SDC3: variants seen among roughly 807,000 people sequenced by gnomAD.
SDC3 encodes syndecan-3.
In SDC3, 13 loss-of-function variants were observed where a neutral mutation model predicts 24.4. That is an observed-to-expected ratio of 0.53 (90% CI 0.35 to 0.85). SDC3 has a LOEUF of 0.85. SDC3 is among the 40% of genes least tolerant of loss of function. The pLI is 0.01. For synonymous variants in SDC3, 295 were observed against 260.9 expected, an observed-to-expected ratio of 1.13 and a Z score of -1.26; for missense variants, 571 against 584.5, an observed-to-expected ratio of 0.98 and a Z score of 0.24.
intron 1 of SDC3, among the ~76,000 whole-genome samples, chr1:30,895,018 T>C (rs1192280868): frequency 2.0e-5 from 3 of 152,072 alleles, no homozygotes; most frequent in African/African-American, 4.8e-5. Flanking sequence ...CCTCCATTTG[T>C]AAGCATGCAT....
chr1:30,879,074 G>A (rs913629448), intron 1 of SDC3: 69 of 228,226 alleles, frequency 3.0e-4, no homozygotes, highest in African/African-American at 1.0e-3. Flanking sequence ...CTGAGCAGCC[G>A]CAATGTTGGG....
intron 1 of SDC3, among the ~76,000 whole-genome samples, chr1:30,894,683 AGT>A (rs10578427): frequency 4.5e-4 from 15 of 33,194 alleles, no homozygotes; most frequent in Admixed American, 2.0e-3. Flanking sequence ...GATGACTGTG[AGT>A]GTGTGGGTGA....
At position 30,881,950 on chromosome 1, in the gene SDC3, C is replaced by T. The variant is rs191361232; in HGVS notation, c.139-3210G>A. On this transcript the variant is annotated intron_variant, in intron 1 of 4. Coordinates refer to ENST00000339394, the MANE Select transcript of SDC3 (RefSeq NM_014654.4). ...CCTCACCCCCTGCATGACATCAACT[C>T]GGCAATGCCCACAGCTGTCCATGCC... 6.3e-3 allele frequency among the ~76,000 whole-genome samples: 962 copies of T among 152,290 alleles called. 9 individuals carry two copies. The highest frequency in any genetic ancestry group is 0.021 in the African/African-American group (889 of 41,542).
chr1:30,898,788 C>T (rs1570026264), intron 1 of SDC3, among the ~76,000 whole-genome samples: 1 of 152,180 alleles, frequency 6.6e-6, no homozygotes, highest in African/African-American at 2.4e-5. Context: ...ACTACAAGGG[C>T]CCCTGGGTCA....
At chr1:30,904,539 C>G (rs1228267826) in intron 1 of SDC3, among the ~76,000 whole-genome samples, 2 of 152,024 alleles carry the variant, frequency 1.3e-5, no homozygotes, top group African/African-American at 2.4e-5. Context: ...CACCTCGCAC[C>G]AACCCCCAAC....
At chr1:30,895,510 C>T (rs984439711) in intron 1 of SDC3, among the ~76,000 whole-genome samples, 25 of 152,288 alleles carry the variant, frequency 1.6e-4, no homozygotes, top group African/African-American at 5.1e-4. Flanking sequence ...GCTGAGTGAC[C>T]CTCAACAGCC....
chr1:30,882,564 C>A (rs908126959), intron 1 of SDC3, among the ~76,000 whole-genome samples: 7 of 152,218 alleles, frequency 4.6e-5, no homozygotes, highest in Admixed American at 1.3e-4. Context: ...CTCCCAGGAG[C>A]ACCCCATCAG....
At position 30,873,449 on chromosome 1, in the gene SDC3, G is replaced by T. The variant is rs529295596; in HGVS notation, c.1163-72C>A. On this transcript the variant is annotated intron_variant, in intron 4 of 4. Coordinates refer to ENST00000339394, the MANE Select transcript of SDC3 (RefSeq NM_014654.4). Reference sequence around the variant, plus strand: ...CCAGGGCAAAGGGTCCTCAGGGGTGGGGGCCAGGGTGAGGAGAGGGCTGGG... The same window carrying T: ...CCAGGGCAAAGGGTCCTCAGGGGTGTGGGCCAGGGTGAGGAGAGGGCTGGG... The T allele has an allele frequency of 9.5e-6, 11 of 1,163,802 alleles. No individual in the cohort carries two copies. The South Asian group carries it at 1.5e-4, about 16-fold the overall frequency. The allele number at this position is 1,163,802 out of a possible 1,614,324, so 72.1% of individuals were successfully genotyped here.
At position 30,869,652 on chromosome 1, in the gene SDC3, T is replaced by C; in HGVS notation, c.*3559A>G. The C allele has an allele frequency of 2.5e-6, 1 of 398,502 alleles. No individual in the cohort carries two copies. Among genetic ancestry groups the C allele is most frequent in the Non-Finnish European group, 4.4e-6 (1 of 226,042 alleles). 24.7% of individuals were successfully genotyped at this position (398,502 alleles called of 1,614,324 possible). ...TGGTCTCTTTTTTCCACTGTCTTTT[T>C]CTTTTGTTTTTCTTATTTAAGGTTT... is the stretch of plus-strand genomic sequence containing the variant. On this transcript the variant is annotated 3_prime_UTR_variant, in exon 5 of 5. Transcript: ENST00000339394.
Position 30,870,233 on chromosome 1 carries a change from C to T in SDC3, c.*2978G>A, listed in dbSNP as rs1639509897. Reference sequence around the variant, plus strand: ...CCTGCCCAGCCCTGGTTGCCACCCACATGCCTCCAGCGATCAAGGGGACCA... The same window carrying T: ...CCTGCCCAGCCCTGGTTGCCACCCATATGCCTCCAGCGATCAAGGGGACCA... On this transcript the variant is annotated 3_prime_UTR_variant, in exon 5 of 5. Transcript: ENST00000339394. The T allele has an allele frequency of 3.9e-6, 1 of 254,328 alleles. No homozygotes were observed. Among genetic ancestry groups the T allele is most frequent in the Non-Finnish European group, 7.4e-6 (1 of 135,174 alleles). The allele number at this position is 254,328 out of a possible 1,614,324, so 15.8% of individuals were successfully genotyped here. A position where few individuals can be genotyped will look rare whatever the true frequency, so the allele number is the denominator to read the frequency against.
At chr1:30,891,365 A>T (rs1272634581) in intron 1 of SDC3, among the ~76,000 whole-genome samples, 1 of 152,224 alleles carries the variant, frequency 6.6e-6, no homozygotes, top group African/African-American at 2.4e-5. Flanking sequence ...GCAGCCGCCA[A>T]GCCCCTCGGG....
chr1:30,884,061 G>C (rs1220754913), intron 1 of SDC3, among the ~76,000 whole-genome samples: 1 of 152,166 alleles, frequency 6.6e-6, no homozygotes, highest in East Asian at 1.9e-4. Flanking sequence ...TGGGAGCCGG[G>C]ACCAGGAGGG....
Position 30,876,948 on chromosome 1 carries a change from G to A in SDC3, c.474C>T (p.Thr158=), listed in dbSNP as rs142879690. The A allele has an allele frequency of 1.8e-4, 291 of 1,613,742 alleles. No individual in the cohort carries two copies. In the African/African-American group the frequency reaches 2.7e-3, roughly 15 times the overall value. The part of the protein sequence containing the change: ...VPEEPSQRAT[T]VSTTMATTAA... Reference sequence around the variant, plus strand: ...CAGTGGTAGCCATGGTAGTGGAGACGGTGGTGGCTCTCTGGCTGGGCTCTT... The same window carrying A: ...CAGTGGTAGCCATGGTAGTGGAGACAGTGGTGGCTCTCTGGCTGGGCTCTT... The change falls in exon 3 of 5, where the codon ACC becomes ACT. Residue 158 remains threonine, a synonymous_variant. Coordinates refer to ENST00000339394, the MANE Select transcript of SDC3 (RefSeq NM_014654.4).
chr1:30,900,002 G>A (rs575763857), intron 1 of SDC3, among the ~76,000 whole-genome samples: 3 of 152,338 alleles, frequency 2.0e-5, no homozygotes, highest in East Asian at 3.9e-4. Flanking sequence ...AAAAGAAAGA[G>A]ATCAAAATGG....
At chr1:30,897,951 C>A (rs1430606113) in intron 1 of SDC3, among the ~76,000 whole-genome samples, 1 of 152,172 alleles carries the variant, frequency 6.6e-6, no homozygotes, top group Non-Finnish European at 1.5e-5. Flanking sequence ...TATCTCCTCA[C>A]GACAAAAGGG....
chr1:30,895,997 G>A (rs181035590), intron 1 of SDC3, among the ~76,000 whole-genome samples: 7 of 152,220 alleles, frequency 4.6e-5, no homozygotes, highest in Admixed American at 1.3e-4. Context: ...CCAGAAAGAC[G>A]GAGCCAAACA....
intron 1 of SDC3, among the ~76,000 whole-genome samples, chr1:30,904,109 C>G (rs1442395463): frequency 1.3e-5 from 2 of 152,004 alleles, no homozygotes; most frequent in African/African-American, 4.8e-5. Flanking sequence ...CCTGTAATCC[C>G]AGCTACTTGG....
chr1:30,896,045 C>T (rs993159308), intron 1 of SDC3, among the ~76,000 whole-genome samples: 26 of 152,150 alleles, frequency 1.7e-4, no homozygotes, highest in African/African-American at 5.3e-4. Context: ...ACCTCCATAG[C>T]TCACTGGGTG....
intron 1 of SDC3, among the ~76,000 whole-genome samples, chr1:30,893,985 C>T (rs1639946711): frequency 6.6e-6 from 1 of 152,052 alleles, no homozygotes; most frequent in Non-Finnish European, 1.5e-5. Context: ...ACACACACAC[C>T]ACACACACTG....
Sources: allele counts gnomAD v4.1 joint callset (sites outside exome capture counted in the v4.1 genomes callset), GRCh38; gene constraint gnomAD v4.1.1; transcripts MANE v1.5; gene names NCBI Gene and HGNC (gene_info 2026-07-23, HGNC 2026-07-21).